Variants in SARM1 observed in about 807,000 individuals in gnomAD.
The protein encoded by SARM1 is NAD(+) hydrolase SARM1.
Under a neutral mutation model 65.1 loss-of-function variants are expected in SARM1, and 60 were observed. The observed-to-expected ratio is 0.92, with a 90% CI of 0.75 to 1.14. The LOEUF is 1.14. Ranked by LOEUF, SARM1 falls within the 50% of genes most tolerant of loss-of-function variation. The probability of loss-of-function intolerance (pLI) is 0.00; values close to 1 mark genes in which losing one functional copy is unlikely to be tolerated. For missense variants in SARM1, 913 were observed against 1,015.7 expected (o/e 0.90, Z 1.37); for synonymous variants, 417 against 465.4 (o/e 0.90, Z 1.34).
Position 28,384,658 on chromosome 17 carries a change from G to C in SARM1, c.1302+89G>C. The C allele has an allele frequency of 7.2e-7, 1 of 1,386,590 alleles. No homozygotes were observed. Among genetic ancestry groups the C allele is most frequent in the Non-Finnish European group, 9.8e-7 (1 of 1,022,428 alleles). 85.9% of individuals were successfully genotyped at this position (1,386,590 alleles called of 1,614,324 possible). On this transcript the variant is annotated intron_variant, in intron 3 of 8. Transcript: ENST00000585482. This position sits in a 1 kb window ranked among gnomAD's most constrained non-coding sequence, Gnocchi z 4.4. Reference sequence around the variant, plus strand: ...TTCCCTCCCCGCCTCGCAATCCCGCGGCGCCAGGGTCGCTTTTGGGGGCGG... The same window carrying C: ...TTCCCTCCCCGCCTCGCAATCCCGCCGCGCCAGGGTCGCTTTTGGGGGCGG...
chr17:28,393,747 G>T (rs2068093551), intron 7 of SARM1, among the ~76,000 whole-genome samples: 1 of 152,068 alleles, frequency 6.6e-6, no homozygotes, highest in Non-Finnish European at 1.5e-5. Context: ...TAAATATTTA[G>T]CAAGGGCTAA....
intron 1 of SARM1, chr17:28,373,477 C>T (rs1237811342): frequency 6.6e-6 from 1 of 151,822 alleles, no homozygotes; most frequent in African/African-American, 2.4e-5. Context: ...TTGCCATTTT[C>T]GAAAAGAAAA....
intron 1 of SARM1, among the ~76,000 whole-genome samples, chr17:28,379,433 C>G (rs557192673): frequency 6.6e-6 from 1 of 150,956 alleles, no homozygotes; most frequent in African/African-American, 2.4e-5. Context: ...GCCTCAGCCT[C>G]CTGAGCAGCT....
chr17:28,381,368 G>T lies in SARM1; in HGVS notation c.636G>T (p.Leu212=). 1 of 1,571,662 alleles carries T rather than the reference G, an allele frequency of 6.4e-7. No homozygotes were observed. Among genetic ancestry groups the T allele is most frequent in the Non-Finnish European group, 8.6e-7 (1 of 1,159,422 alleles). The change falls in exon 2 of 9, where the codon CTG becomes CTT. Residue 212 remains leucine, a synonymous_variant. Coordinates refer to ENST00000585482, the MANE Select transcript of SARM1 (RefSeq NM_015077.4). ...LVAAGGLDAV[L]YWCRRTDPAL... ...CGGCCGGCGGCCTGGACGCGGTGCT[G>T]TATTGGTGCCGCCGCACGGACCCCG...
rs183886521 is a variant in SARM1, at chr17:28,400,388, A to G, written c.*4102A>G. On this transcript the variant is annotated 3_prime_UTR_variant, in exon 9 of 9. Coordinates refer to ENST00000585482, the MANE Select transcript of SARM1 (RefSeq NM_015077.4). The stretch of plus-strand genomic sequence containing the variant: ...GAGAACACAGCCTTGCCAAGCAGCA[A>G]TGTTAGCCTGATCCTTCCTCCACCT... 1.1e-4 allele frequency: 63 copies of G among 559,820 alleles called. No individual in the cohort carries two copies. Among genetic ancestry groups the G allele is most frequent in the Admixed American group, 8.4e-4 (27 of 32,262 alleles). 34.7% of individuals were successfully genotyped at this position (559,820 alleles called of 1,614,324 possible).
In SARM1 at chr17:28,388,471, T is replaced by G; in HGVS notation, c.1855T>G (p.Leu619Val). 6.2e-7 allele frequency: 1 copy of G among 1,613,988 alleles called. No homozygotes were observed. Among genetic ancestry groups the G allele is most frequent in the Non-Finnish European group, 8.5e-7 (1 of 1,179,894 alleles). ...QSVMGARNFVLVLSPGALDKC... is the reference protein window; with the variant it reads ...QSVMGARNFVVVLSPGALDKC... Reference sequence around the variant, plus strand: ...TGTCATGGGTGCCCGCAACTTTGTGTTGGTGCTATCACCTGGAGCACTGGA... The same window carrying G: ...TGTCATGGGTGCCCGCAACTTTGTGGTGGTGCTATCACCTGGAGCACTGGA... The change falls in exon 7 of 9, where the codon TTG (leucine) becomes GTG (valine). Residue 619 changes from leucine (L) to valine (V), a missense_variant. Transcript: ENST00000585482.
chr17:28,397,972 C>T lies in SARM1; in HGVS notation c.*1686C>T, dbSNP rs2068151277. On this transcript the variant is annotated 3_prime_UTR_variant, in exon 9 of 9. Coordinates refer to ENST00000585482, the MANE Select transcript of SARM1 (RefSeq NM_015077.4). ...TTTGGGGCTCCTTCCTTCCACTCCC[C>T]TCCCTGCCAGAGTCTGTCTTGGCCA... is the stretch of plus-strand genomic sequence containing the variant. 1 of 152,706 alleles carries T rather than the reference C, an allele frequency of 6.5e-6. No individual in the cohort carries two copies. The highest frequency in any genetic ancestry group is 6.5e-5 in the Admixed American group (1 of 15,292). 9.5% of individuals were successfully genotyped at this position (152,706 alleles called of 1,614,324 possible).
At chr17:28,388,031 C>G in intron 5 of SARM1, 143 bp from the exon 6 acceptor site, 1 of 657,996 alleles carries the variant, frequency 1.5e-6, no homozygotes, top group Non-Finnish European at 2.7e-6. Context: ...GGCCCCATTT[C>G]TCCTTTTTGG....
At chr17:28,392,942 G>T (rs1324231461) in intron 7 of SARM1, among the ~76,000 whole-genome samples, 1 of 152,112 alleles carries the variant, frequency 6.6e-6, no homozygotes, top group Admixed American at 6.5e-5. Flanking sequence ...ACATTAGTGG[G>T]TAATCAATAG....
Position 28,391,727 on chromosome 17 carries a change from A to AAGAG in SARM1, c.1923+3201_1923+3204dup, listed in dbSNP as rs59822059. On this transcript the variant is annotated intron_variant, in intron 7 of 8. Transcript: ENST00000585482. ...TGCACCAAAAAAAAAAAAAAAAAAA[A>AAGAG]AGAGAGAGAGAGAGAGGCTGAGGCT... 1.0e-3 allele frequency among the ~76,000 whole-genome samples: 119 copies of AAGAG among 117,078 alleles called. 3 individuals carry two copies. Among genetic ancestry groups the AAGAG allele is most frequent in the Admixed American group, 3.7e-3 (39 of 10,560 alleles). The allele number at this position is 117,078 out of a possible 152,430, so 76.8% of individuals were successfully genotyped here. A position where few individuals can be genotyped will look rare whatever the true frequency, so the allele number is the denominator to read the frequency against.
chr17:28,371,694 A>C lies in SARM1; in HGVS notation c.-339A>C. 4.5e-5 allele frequency: 9 copies of C among 200,706 alleles called. No homozygotes were observed. The highest frequency in any genetic ancestry group is 1.1e-4 in the East Asian group (1 of 9,478). 12.4% of individuals were successfully genotyped at this position (200,706 alleles called of 1,614,324 possible). ...CTCCGGGGCGTGGCTGCTGCCGAGC[A>C]TCTCCCAGCTCAGCCGAGCCCGTGC... On this transcript the variant is annotated 5_prime_UTR_variant, in exon 1 of 9. Coordinates refer to ENST00000585482, the MANE Select transcript of SARM1 (RefSeq NM_015077.4).
chr17:28,387,374 G>T (rs2068056900), intron 5 of SARM1, among the ~76,000 whole-genome samples: 1 of 151,876 alleles, frequency 6.6e-6, no homozygotes. Flanking sequence ...CTAGATTACA[G>T]ACATGTGCCA....
rs538784770 is a variant in SARM1, at chr17:28,381,208, G to C, written c.476G>C (p.Arg159Pro). ...CTTCCACTTTCACTGGGCAGAGACC[G>C]CGTGGCGCGCATTGGGCTGGGCGTG... is the stretch of plus-strand genomic sequence containing the variant. The part of the protein sequence containing the change: ...EQILVAENRD[R>P]VARIGLGVIL... Residue 159 changes from arginine to proline, a missense_variant, in exon 2 of 9, where the codon CGC becomes CCC. By Grantham distance (103) the Arg-to-Pro change is moderately radical. Coordinates refer to ENST00000585482, the MANE Select transcript of SARM1 (RefSeq NM_015077.4). 1 of 1,596,546 alleles carries C rather than the reference G, an allele frequency of 6.3e-7. No homozygotes were observed. Among genetic ancestry groups the C allele is most frequent in the East Asian group, 2.3e-5 (1 of 44,214 alleles).
rs2068189702 is a variant in SARM1, at chr17:28,400,926, A to C, written c.*4640A>C. 1.4e-6 allele frequency: 1 copy of C among 707,086 alleles called. No individual in the cohort carries two copies. The highest frequency in any genetic ancestry group is 1.7e-5 in the African/African-American group (1 of 57,294). The allele number at this position is 707,086 out of a possible 1,614,324, so 43.8% of individuals were successfully genotyped here. ...ACATCATGTACTGTGACAAGGATTC[A>C]GTAAGGTCATATGTGGACAGTAGCT... On this transcript the variant is annotated 3_prime_UTR_variant, in exon 9 of 9. Coordinates refer to ENST00000585482, the MANE Select transcript of SARM1 (RefSeq NM_015077.4).
chr17:28,373,739 A>C (rs985161103), intron 1 of SARM1: 4 of 152,322 alleles, frequency 2.6e-5, no homozygotes, highest in Admixed American at 2.0e-4. Context: ...CAGGAGCTAT[A>C]ACTACAATCC....
At chr17:28,375,654 A>G (rs1197395340) in intron 1 of SARM1, among the ~76,000 whole-genome samples, 1 of 151,954 alleles carries the variant, frequency 6.6e-6, no homozygotes, top group Non-Finnish European at 1.5e-5. Flanking sequence ...AAAGTGGAAA[A>G]GCACACAAAA....
chr17:28,394,597 C>A (rs1459233030), intron 7 of SARM1, among the ~76,000 whole-genome samples: 12 of 152,174 alleles, frequency 7.9e-5, no homozygotes, highest in Non-Finnish European at 1.3e-4. Flanking sequence ...GCCCATGACA[C>A]CCCGAGATTC....
intron 7 of SARM1, among the ~76,000 whole-genome samples, chr17:28,390,357 C>T (rs1555586698): frequency 6.6e-6 from 1 of 152,002 alleles, no homozygotes; most frequent in Non-Finnish European, 1.5e-5. Flanking sequence ...TCTTATCAGA[C>T]TTATAAGGGT....
Position 28,399,536 on chromosome 17 carries a change from G to A in SARM1, c.*3250G>A, listed in dbSNP as rs782230226. 3.0e-6 allele frequency: 3 copies of A among 994,004 alleles called. No individual in the cohort carries two copies. Among genetic ancestry groups the A allele is most frequent in the Admixed American group, 4.1e-5 (2 of 49,224 alleles). The allele number at this position is 994,004 out of a possible 1,614,324, so 61.6% of individuals were successfully genotyped here. A position where few individuals can be genotyped will look rare whatever the true frequency, so the allele number is the denominator to read the frequency against. ...CTCTCTTGACTACCTCGTCCAAAGA[G>A]AGCACTGCCCTTAGACAAGAGTTGC... On this transcript the variant is annotated 3_prime_UTR_variant, in exon 9 of 9. Coordinates refer to ENST00000585482, the MANE Select transcript of SARM1 (RefSeq NM_015077.4).
Sources: allele counts gnomAD v4.1 joint callset (sites outside exome capture counted in the v4.1 genomes callset), GRCh38; gene constraint gnomAD v4.1.1; non-coding constraint Gnocchi (gnomAD v3.1); transcripts MANE v1.5; gene names NCBI Gene and HGNC (gene_info 2026-07-23, HGNC 2026-07-21).